SLC14A2: variants seen among roughly 807,000 people sequenced by gnomAD.
SLC14A2 encodes the protein solute carrier family 14 member 2.
A neutral mutation model predicts 104.6 loss-of-function variants in SLC14A2; 91 were observed. The ratio of observed to expected loss-of-function variants is 0.87; its 90% confidence interval spans 0.73 to 1.04. SLC14A2 has a LOEUF of 1.04. Ranked by LOEUF, SLC14A2 falls within the 50% of genes least tolerant of loss-of-function variation. The pLI, the probability that SLC14A2 is intolerant of heterozygous loss-of-function variation, is 0.00. For missense variants in SLC14A2, 1,189 were observed against 1,156.0 expected (o/e 1.03, Z -0.41); for synonymous variants, 476 against 466.4 (o/e 1.02, Z -0.27).
intron 1 of SLC14A2, among the ~76,000 whole-genome samples, chr18:45,459,744 A>G (rs952798591): frequency 1.3e-5 from 2 of 152,180 alleles, no homozygotes; most frequent in African/African-American, 4.8e-5. Context: ...CTCTCATGCT[A>G]TGGCCTTTCT....
the SLC14A2 span, among the ~76,000 whole-genome samples, chr18:45,183,906 ATTTTT>A: frequency 7.3e-4 from 46 of 62,718 alleles, no homozygotes; most frequent in African/African-American, 2.7e-3. Flanking sequence ...TAATTTTCTA[ATTTTT>A]TTTTTTTTTT....
chr18:45,387,934 A>G (rs1238735465), intron 1 of SLC14A2, among the ~76,000 whole-genome samples: 1 of 152,018 alleles, frequency 6.6e-6, no homozygotes, highest in South Asian at 2.1e-4. Context: ...AGGTCAGGTT[A>G]TGTGCAAAGA....
intron 10 of SLC14A2, among the ~76,000 whole-genome samples, chr18:45,658,349 G>GCC (rs1320029586): frequency 6.6e-6 from 1 of 152,108 alleles, no homozygotes; most frequent in Non-Finnish European, 1.5e-5. Flanking sequence ...GGGAGGCAGA[G>GCC]GTATGCAGAT....
At chr18:45,270,178 C>A (rs1446605156) in intron 1 of SLC14A2, among the ~76,000 whole-genome samples, 1 of 152,152 alleles carries the variant, frequency 6.6e-6, no homozygotes, top group Admixed American at 6.6e-5. Flanking sequence ...CAGAGTTGGA[C>A]CCTACTTGCC....
chr18:45,476,828 C>T (rs1207516292), intron 1 of SLC14A2, among the ~76,000 whole-genome samples: 3 of 152,268 alleles, frequency 2.0e-5, no homozygotes, highest in Non-Finnish European at 2.9e-5. Flanking sequence ...TTTTCAGCTC[C>T]GTCAGGTCAT....
At chr18:45,392,734 T>C (rs2085984706) in intron 1 of SLC14A2, among the ~76,000 whole-genome samples, 1 of 152,206 alleles carries the variant, frequency 6.6e-6, no homozygotes, top group Admixed American at 6.5e-5. Flanking sequence ...AGTTCAATCT[T>C]TAAATTGTTG....
rs2705400 is a variant in SLC14A2 at position 45,543,437 on chromosome 18, A to C, written c.-35+60115A>C. Reference sequence around the variant, plus strand: ...TAGAGCATGAGACTCTTAAATACACATCAAAATAAATATATGAACACTACA... The same window carrying C: ...TAGAGCATGAGACTCTTAAATACACCTCAAAATAAATATATGAACACTACA... On this transcript the variant is annotated intron_variant, in intron 2 of 20. Transcript: ENST00000586448. 7.5e-3 allele frequency among the ~76,000 whole-genome samples: 1,148 copies of C among 152,318 alleles called. 19 individuals are homozygous for C. Among genetic ancestry groups the C allele is most frequent in the African/African-American group, 0.026 (1,098 of 41,564 alleles).
At chr18:45,275,229 T>A (rs925492271) in intron 1 of SLC14A2, among the ~76,000 whole-genome samples, 1 of 152,192 alleles carries the variant, frequency 6.6e-6, no homozygotes. Context: ...AATAAAAAGA[T>A]GGAACAAATA....
At chr18:45,583,087 G>A (rs1354190096) in intron 2 of SLC14A2, among the ~76,000 whole-genome samples, 1 of 152,194 alleles carries the variant, frequency 6.6e-6, no homozygotes, top group Non-Finnish European at 1.5e-5. Flanking sequence ...CATTGGAGAA[G>A]GGAAGCAGGA....
chr18:45,213,733 C>T (rs555266953), intron 1 of SLC14A2, among the ~76,000 whole-genome samples: 1 of 152,084 alleles, frequency 6.6e-6, no homozygotes, highest in African/African-American at 2.4e-5. Flanking sequence ...CAGTCAAATC[C>T]TTATCAATGT....
At chr18:45,376,268 C>T (rs929053565) in intron 1 of SLC14A2, among the ~76,000 whole-genome samples, 2 of 152,152 alleles carry the variant, frequency 1.3e-5, no homozygotes, top group Non-Finnish European at 2.9e-5. Flanking sequence ...ATCTCTCTTG[C>T]AGGCTAAATT....
Position 45,666,208 on chromosome 18 carries a change from G to A in SLC14A2, c.1546G>A (p.Val516Ile). 6.2e-7 allele frequency: 1 copy of A among 1,612,180 alleles called. No homozygotes were observed. The part of the protein sequence containing the change: ...PFPYRYRKPT[V>I]ELLDLDTMEE... ...TCCCTATCGATACCGGAAGCCCACA[G>A]TCGAGCTGCTTGTGAGTACTGAGTG... The change falls in exon 12 of 20, where the codon GTC becomes ATC. Residue 516 changes from valine to isoleucine, a missense_variant. By Grantham distance (29) the Val-to-Ile change is conservative. Transcript: ENST00000255226.
chr18:45,672,447 T>G (rs1275591713), intron 16 of SLC14A2, among the ~76,000 whole-genome samples: 1 of 151,536 alleles, frequency 6.6e-6, no homozygotes, highest in African/African-American at 2.4e-5. Flanking sequence ...GAGAATCTCT[T>G]GAACCCGGGA....
intron 1 of SLC14A2, among the ~76,000 whole-genome samples, chr18:45,301,117 C>T (rs1172981243): frequency 6.6e-6 from 1 of 152,212 alleles, no homozygotes; most frequent in Non-Finnish European, 1.5e-5. Context: ...CTTCTTAACA[C>T]ATTTTGCCAT....
chr18:45,397,701 G>C (rs2086050784), intron 1 of SLC14A2, among the ~76,000 whole-genome samples: 1 of 151,964 alleles, frequency 6.6e-6, no homozygotes, highest in South Asian at 2.1e-4. Flanking sequence ...TGCTTTTGTT[G>C]CAGTTGCTTT....
chr18:45,233,642 C>T (rs1223055079), intron 1 of SLC14A2, among the ~76,000 whole-genome samples: 2 of 152,128 alleles, frequency 1.3e-5, no homozygotes, highest in Admixed American at 6.5e-5. Context: ...TCCTAGTTTC[C>T]TTGGGCTTGC....
chr18:45,224,116 T>A (rs1414036155), intron 1 of SLC14A2, among the ~76,000 whole-genome samples: 6 of 152,212 alleles, frequency 3.9e-5, no homozygotes. Flanking sequence ...AAAGAGACTC[T>A]TTGAACAATT....
intron 1 of SLC14A2, among the ~76,000 whole-genome samples, chr18:45,328,401 C>T (rs977672164): frequency 6.6e-5 from 10 of 152,232 alleles, no homozygotes; most frequent in African/African-American, 2.2e-4. Flanking sequence ...TGGATACTAG[C>T]GCAGGACAAA....
At chr18:45,227,961 T>C (rs532751594) in intron 1 of SLC14A2, among the ~76,000 whole-genome samples, 14 of 152,218 alleles carry the variant, frequency 9.2e-5, no homozygotes, top group Non-Finnish European at 1.3e-4. Flanking sequence ...AATTCATATA[T>C]AAAGAGGTAC....
Sources: gnomAD v4.1 joint callset for allele counts (sites outside exome capture counted in the v4.1 genomes callset) on GRCh38, gnomAD v4.1.1 for gene constraint, MANE v1.5 for transcripts, NCBI Gene and HGNC (gene_info 2026-07-23, HGNC 2026-07-21) for gene names.